Variants in EYS observed in about 807,000 individuals in gnomAD.
EYS encodes the protein protein eyes shut homolog.
Under a neutral mutation model 282.1 loss-of-function variants are expected in EYS, and 250 were observed. The observed-to-expected ratio is 0.89, with a 90% CI of 0.80 to 0.98. EYS has a LOEUF of 0.98. Ranked by LOEUF, EYS falls within the 50% of genes least tolerant of loss-of-function variation. The pLI is 0.00. For synonymous variants in EYS, 1,355 were observed against 1,282.9 expected, an observed-to-expected ratio of 1.06 and a Z score of -1.20; for missense variants, 4,016 against 3,709.0, an observed-to-expected ratio of 1.08 and a Z score of -2.15.
At chr6:64,999,694 G>T (rs1030355650) in intron 13 of EYS, among the ~76,000 whole-genome samples, 1 of 152,170 alleles carries the variant, frequency 6.6e-6, no homozygotes, top group Non-Finnish European at 1.5e-5. Context: ...AGACACAGTG[G>T]CACCTGGACA....
Position 64,930,979 on chromosome 6 carries a change from T to C in EYS, c.2381+14814A>G, listed in dbSNP as rs538547098. Reference sequence around the variant, plus strand: ...AAGAAGGCAGTTAAATTTTAAACCATGCCAGGAATAGCAGAAGGCAGGTTG... The same window carrying C: ...AAGAAGGCAGTTAAATTTTAAACCACGCCAGGAATAGCAGAAGGCAGGTTG... On this transcript the variant is annotated intron_variant, in intron 15 of 42. Transcript: ENST00000503581. Among the ~76,000 whole-genome samples, 26 of 152,266 alleles carry C rather than the reference T, an allele frequency of 1.7e-4. 1 individual carries two copies. In the East Asian group the frequency reaches 4.8e-3, roughly 28 times the overall value.
chr6:64,787,728 TTATAA>T (rs968131327), intron 22 of EYS, among the ~76,000 whole-genome samples: 5 of 149,298 alleles, frequency 3.3e-5, no homozygotes, highest in African/African-American at 1.2e-4. Context: ...ATATAACATT[TTATAA>T]TATATATATC....
At chr6:65,496,072 A>T (rs1766248815) in intron 2 of EYS, 79 bp from the exon 3 acceptor site, 1 of 152,248 alleles carries the variant, frequency 6.6e-6, no homozygotes, top group Non-Finnish European at 1.5e-5. Flanking sequence ...CCTTAAAATA[A>T]CTCATAGTGA....
chr6:64,700,053 T>C (rs1202036171), intron 22 of EYS, among the ~76,000 whole-genome samples: 2 of 152,076 alleles, frequency 1.3e-5, no homozygotes, highest in Non-Finnish European at 2.9e-5. Flanking sequence ...GTGGGTTTTA[T>C]TCCAGGGAAC....
intron 14 of EYS, among the ~76,000 whole-genome samples, chr6:64,974,088 A>G (rs1318399210): frequency 2.0e-5 from 3 of 151,968 alleles, no homozygotes; most frequent in Non-Finnish European, 4.4e-5. Flanking sequence ...TTCACAGATT[A>G]TAAGCACATT....
chr6:64,235,954 T>C (rs1766592136), intron 30 of EYS, among the ~76,000 whole-genome samples: 1 of 152,078 alleles, frequency 6.6e-6, no homozygotes, highest in Admixed American at 6.6e-5. Flanking sequence ...AAAGAGGGAA[T>C]CCTCCCTAAC....
At position 64,686,763 on chromosome 6, in the gene EYS, G is replaced by A. The variant is rs9345378; in HGVS notation, c.3444-60518C>T. On this transcript the variant is annotated intron_variant, in intron 22 of 42. Transcript: ENST00000503581. ...TCTAAATATATATATATATATATAT[G>A]TGTGTATATATATATATATATATAT... is the stretch of plus-strand genomic sequence containing the variant. Among the ~76,000 whole-genome samples the A allele has an allele frequency of 9.7e-3, 83 of 8,570 alleles. 4 individuals carry two copies. Among genetic ancestry groups the A allele is most frequent in the Non-Finnish European group, 0.017 (24 of 1,384 alleles). The allele number at this position is 8,570 out of a possible 152,430, so 5.6% of individuals were successfully genotyped here.
chr6:65,494,657 T>A lies in EYS; in HGVS notation c.748+6A>T, dbSNP rs373742788. 1.6e-4 allele frequency: 247 copies of A among 1,548,686 alleles called. 2 individuals are homozygous for A. In the African/African-American group the frequency reaches 2.7e-3, roughly 17 times the overall value. On this transcript the variant is annotated splice_donor_region_variant and intron_variant, in intron 4 of 42. Transcript: ENST00000503581. Reference sequence around the variant, plus strand: ...TAATAAAATTATATATTTTAAACAATCTTACCTGTAAATGGTGGGTGACAG... The same window carrying A: ...TAATAAAATTATATATTTTAAACAAACTTACCTGTAAATGGTGGGTGACAG...
chr6:64,199,953 A>G (rs1765411249), intron 31 of EYS, among the ~76,000 whole-genome samples: 1 of 152,186 alleles, frequency 6.6e-6, no homozygotes, highest in Admixed American at 6.5e-5. Flanking sequence ...GTGAATGGGT[A>G]AACAAACTGT....
intron 35 of EYS, among the ~76,000 whole-genome samples, chr6:63,881,953 T>G (rs1387774509): frequency 6.6e-6 from 1 of 152,208 alleles, no homozygotes; most frequent in Non-Finnish European, 1.5e-5. Flanking sequence ...TTCTATAGGA[T>G]TTTTAAAGAC....
At chr6:65,026,124 C>T (rs949959520) in intron 13 of EYS, among the ~76,000 whole-genome samples, 2 of 152,138 alleles carry the variant, frequency 1.3e-5, no homozygotes, top group Non-Finnish European at 2.9e-5. Flanking sequence ...AAAAAGACTT[C>T]TTCAGTCGCT....
At chr6:64,363,520 T>C (rs2150409877) in intron 29 of EYS, among the ~76,000 whole-genome samples, 1 of 152,048 alleles carries the variant, frequency 6.6e-6, no homozygotes, top group Admixed American at 6.6e-5. Context: ...CTGACATTAG[T>C]TTAATTTCTT....
chr6:64,688,959 G>A (rs4585539), intron 22 of EYS, among the ~76,000 whole-genome samples: 117,613 of 151,248 alleles, frequency 0.78, 46,551 homozygotes, highest in Non-Finnish European at 0.86. Context: ...TAGTGTTGGA[G>A]GTTCTGGCCA....
chr6:64,297,977 C>CAAAAAAAAAAAAAA (rs34562408), intron 30 of EYS, among the ~76,000 whole-genome samples: 1 of 96,456 alleles, frequency 1.0e-5, no homozygotes, highest in African/African-American at 3.8e-5. Flanking sequence ...GATTCTGTCT[C>CAAAAAAAAAAAAAA]AAAAAAAAAA....
intron 5 of EYS, among the ~76,000 whole-genome samples, chr6:65,484,828 A>G (rs962975293): frequency 2.0e-5 from 3 of 152,230 alleles, no homozygotes; most frequent in Non-Finnish European, 4.4e-5. Flanking sequence ...TCAGTAAACT[A>G]TAGCTGTGAG....
intron 26 of EYS, among the ~76,000 whole-genome samples, chr6:64,540,817 T>G (rs992455655): frequency 8.5e-5 from 13 of 152,198 alleles, no homozygotes; most frequent in Non-Finnish European, 1.5e-4. Flanking sequence ...TGAAGTGTCC[T>G]GACATGACAA....
chr6:64,948,320 C>T lies in EYS; in HGVS notation c.2260-2406G>A, dbSNP rs1006906078. ...TCAAAAGCATTTTCCTCAATTTAGA[C>T]ATTCTTGCTGCAAAGCAGTTTCTCA... On this transcript the variant is annotated intron_variant, in intron 14 of 42. Transcript: ENST00000503581. Among the ~76,000 whole-genome samples, 10 of 151,058 alleles carry T rather than the reference C, an allele frequency of 6.6e-5. No individual in the cohort carries two copies. The Admixed American group carries it at 6.6e-4, about 10-fold the overall frequency.
intron 12 of EYS, among the ~76,000 whole-genome samples, chr6:65,081,179 A>G (rs1774221637): frequency 6.6e-6 from 1 of 152,104 alleles, no homozygotes; most frequent in South Asian, 2.1e-4. Flanking sequence ...AATGAAAATA[A>G]TATATGTGAT....
intron 35 of EYS, among the ~76,000 whole-genome samples, chr6:63,975,786 A>G (rs1356403239): frequency 6.6e-6 from 1 of 152,004 alleles, no homozygotes; most frequent in Non-Finnish European, 1.5e-5. Flanking sequence ...CTTAAGGATT[A>G]TGTAATTCTC....
Sources: allele counts gnomAD v4.1 joint callset (sites outside exome capture counted in the v4.1 genomes callset), GRCh38; gene constraint gnomAD v4.1.1; transcripts MANE v1.5; gene names NCBI Gene and HGNC (gene_info 2026-07-23, HGNC 2026-07-21).